FSTL4: variants seen among roughly 807,000 people sequenced by gnomAD.
The protein encoded by FSTL4 is follistatin like 4.
FSTL4 carries 28 observed loss-of-function variants against 78.2 expected under a neutral mutation model. The ratio of observed to expected loss-of-function variants is 0.36; its 90% CI spans 0.27 to 0.49. The LOEUF (loss-of-function observed/expected upper bound fraction) is 0.49, where lower values mean the gene tolerates loss of function less well. Ranked by LOEUF, FSTL4 falls within the 20% of genes least tolerant of loss-of-function variation. The probability of loss-of-function intolerance (pLI) is 0.98; values close to 1 mark genes in which losing one functional copy is unlikely to be tolerated. For missense variants in FSTL4, 922 were observed against 1,084.9 expected, an observed-to-expected ratio of 0.85 and a Z score of 2.11; for synonymous variants, 422 against 440.5, an observed-to-expected ratio of 0.96 and a Z score of 0.53.
At chr5:133,495,094 C>T (rs1046948647) in intron 3 of FSTL4, among the ~76,000 whole-genome samples, 3 of 152,146 alleles carry the variant, frequency 2.0e-5, no homozygotes, top group South Asian at 2.1e-4. Context: ...TCCGGGGAAA[C>T]GAGCAGCCAG....
intron 3 of FSTL4, among the ~76,000 whole-genome samples, chr5:133,454,300 T>C (rs1162003376): frequency 6.6e-6 from 1 of 152,182 alleles, no homozygotes; most frequent in African/African-American, 2.4e-5. Context: ...TTGGTGAAAA[T>C]CTGAGTACAA....
intron 8 of FSTL4, among the ~76,000 whole-genome samples, chr5:133,228,465 T>C (rs1473659201): frequency 1.3e-5 from 2 of 152,052 alleles, no homozygotes; most frequent in Admixed American, 1.3e-4. Context: ...TGGCAGAGAA[T>C]GCAAAAAAGA....
At chr5:133,693,216 T>C in the FSTL4 span, among the ~76,000 whole-genome samples, 1 of 152,118 alleles carries the variant, frequency 6.6e-6, no homozygotes, top group African/African-American at 2.4e-5. Flanking sequence ...GAATCCAAAC[T>C]TTACACTGAC....
In FSTL4 at chr5:133,199,196, G is replaced by C. The variant is rs1297187120; in HGVS notation, c.2428C>G (p.Arg810Gly). 1.9e-6 allele frequency: 3 copies of C among 1,612,164 alleles called. No homozygotes were observed. The Admixed American group carries it at 5.0e-5, about 27-fold the overall frequency. The change falls in exon 16 of 16, where the codon CGA (arginine) becomes GGA (glycine). Residue 810 changes from arginine to glycine, a missense_variant. By Grantham distance (125) the Arg-to-Gly change is moderately radical (BLOSUM62 -2). Transcript: ENST00000265342. This position sits in a 1 kb window ranked among gnomAD's most constrained non-coding sequence, Gnocchi z 4.4. ...CCATTGATGAGGAACAGTGACTCTC[G>C]GGCTGGTGTGAGGAGGTACTGTCCA... ...LFGQYLLTPA[R>G]ESLFLINGRQ...
At chr5:133,204,728 A>G (rs1315337076) in intron 14 of FSTL4, among the ~76,000 whole-genome samples, 1 of 141,568 alleles carries the variant, frequency 7.1e-6, no homozygotes, top group East Asian at 2.3e-4. Flanking sequence ...GCTACTCAGG[A>G]GACTGAGGCA....
intron 2 of FSTL4, chr5:133,583,546 G>T: frequency 5.8e-6 from 1 of 171,728 alleles, no homozygotes; most frequent in Non-Finnish European, 1.2e-5. Flanking sequence ...GGACGCACCT[G>T]GAAAATCGGG....
chr5:133,247,487 C>T (rs550960169), intron 7 of FSTL4: 1 of 152,272 alleles, frequency 6.6e-6, no homozygotes, highest in South Asian at 2.1e-4. Flanking sequence ...GGAGCTGTCC[C>T]AGTACTGATC....
At chr5:133,279,669 C>T (rs987976377) in intron 6 of FSTL4, among the ~76,000 whole-genome samples, 5 of 152,186 alleles carry the variant, frequency 3.3e-5, no homozygotes, top group Admixed American at 6.5e-5. Context: ...ATGAGACCCA[C>T]GTCAGGGCAT....
the FSTL4 span, among the ~76,000 whole-genome samples, chr5:133,823,116 G>T: frequency 6.6e-6 from 1 of 152,156 alleles, no homozygotes; most frequent in African/African-American, 2.4e-5. Flanking sequence ...AAACCTTCAA[G>T]GCAAGAAGTC....
intron 3 of FSTL4, among the ~76,000 whole-genome samples, chr5:133,451,855 G>A (rs1417477208): frequency 2.0e-5 from 3 of 152,226 alleles, no homozygotes; most frequent in African/African-American, 2.4e-5. Flanking sequence ...CGGATTTGCT[G>A]TACCTCTCCA....
At chr5:133,736,353 A>G in the FSTL4 span, among the ~76,000 whole-genome samples, 1 of 152,168 alleles carries the variant, frequency 6.6e-6, no homozygotes, top group Non-Finnish European at 1.5e-5. Context: ...TCCCATGGAT[A>G]CCTCTGAATC....
In FSTL4 at chr5:133,199,549, G is replaced by A; in HGVS notation, c.2075C>T (p.Pro692Leu). 1 of 1,613,988 alleles carries A rather than the reference G, an allele frequency of 6.2e-7. No individual in the cohort carries two copies. Among genetic ancestry groups the A allele is most frequent in the South Asian group, 1.1e-5 (1 of 91,082 alleles). ...LGPNGDVTGT[P>L]HTSPDGRFIV... Reference sequence around the variant, plus strand: ...GAAGCGCCCGTCGGGGGATGTGTGTGGGGTGCCTGTTACATCACCATTGGG... The same window carrying A: ...GAAGCGCCCGTCGGGGGATGTGTGTAGGGTGCCTGTTACATCACCATTGGG... The change falls in exon 16 of 16, where the codon CCA (proline) becomes CTA (leucine). Residue 692 changes from proline (P) to leucine (L), a missense_variant. By Grantham distance (98) the Pro-to-Leu change is moderately conservative (BLOSUM62 -3). Transcript: ENST00000265342. The surrounding 1 kb of genome is among the most constrained non-coding windows in gnomAD (Gnocchi z 4.4).
chr5:133,666,497 A>T, the FSTL4 span, among the ~76,000 whole-genome samples: 1 of 152,130 alleles, frequency 6.6e-6, no homozygotes, highest in African/African-American at 2.4e-5. Flanking sequence ...TTCTAATTAT[A>T]TGTAAATCAG....
At chr5:133,350,312 G>A (rs1484570704) in intron 4 of FSTL4, among the ~76,000 whole-genome samples, 4 of 152,178 alleles carry the variant, frequency 2.6e-5, no homozygotes, top group African/African-American at 9.7e-5. Flanking sequence ...GTTATTAGAG[G>A]CACTGAGACA....
chr5:133,460,721 T>C (rs31337), intron 3 of FSTL4, among the ~76,000 whole-genome samples: 12,617 of 152,278 alleles, frequency 0.083, 608 homozygotes, highest in Non-Finnish European at 0.11. Flanking sequence ...CTAGTCACAC[T>C]GCTGGCTGTG....
chr5:133,776,985 C>T, the FSTL4 span, among the ~76,000 whole-genome samples: 1 of 152,158 alleles, frequency 6.6e-6, no homozygotes, highest in Non-Finnish European at 1.5e-5. Flanking sequence ...GAGCCCACCC[C>T]TAAGATAGTA....
At chr5:133,275,114 G>A (rs1384107137) in intron 6 of FSTL4, among the ~76,000 whole-genome samples, 1 of 150,858 alleles carries the variant, frequency 6.6e-6, no homozygotes, top group African/African-American at 2.4e-5. Flanking sequence ...ATACAAAAAA[G>A]TTAGCTGGGC....
chr5:133,223,605 A>G (rs1264063961), intron 11 of FSTL4, among the ~76,000 whole-genome samples: 1 of 152,178 alleles, frequency 6.6e-6, no homozygotes, highest in Non-Finnish European at 1.5e-5. Context: ...ACACATGCCC[A>G]CTATATTTTC....
chr5:133,744,760 G>GAAGTGTC, the FSTL4 span, among the ~76,000 whole-genome samples: 235 of 152,336 alleles, frequency 1.5e-3, no homozygotes, highest in African/African-American at 5.5e-3. Context: ...CCTGCTCACT[G>GAAGTGTC]AAGTGTCGGT....
Sources: allele counts gnomAD v4.1 joint callset (sites outside exome capture counted in the v4.1 genomes callset), GRCh38; gene constraint gnomAD v4.1.1; non-coding constraint Gnocchi (gnomAD v3.1); transcripts MANE v1.5; gene names NCBI Gene and HGNC (gene_info 2026-07-23, HGNC 2026-07-21).